The following SGCZ variants were observed in gnomAD, a reference collection of about 807,000 sequenced individuals.
The protein encoded by SGCZ is sarcoglycan zeta, also known as zeta-sarcoglycan.
SGCZ carries 40 observed loss-of-function variants against 41.3 expected under a neutral mutation model. That is an observed-to-expected ratio of 0.97 (90% CI 0.75 to 1.26). The LOEUF is 1.26. SGCZ is among the 50% of genes most tolerant of loss of function. SGCZ has a pLI of 0.00. For missense variants in SGCZ, 552 were observed against 369.8 expected, an observed-to-expected ratio of 1.49 and a Z score of -4.04; for synonymous variants, 206 against 137.5, an observed-to-expected ratio of 1.50 and a Z score of -3.49.
chr8:14,292,661 G>A (rs1215241106), intron 3 of SGCZ, among the ~76,000 whole-genome samples: 1 of 151,964 alleles, frequency 6.6e-6, no homozygotes, highest in African/African-American at 2.4e-5. Context: ...TATTCAAACT[G>A]TCTCACTAAA....
At chr8:14,812,672 T>C (rs922319438) in intron 1 of SGCZ, among the ~76,000 whole-genome samples, 2 of 152,110 alleles carry the variant, frequency 1.3e-5, no homozygotes, top group African/African-American at 4.8e-5. Flanking sequence ...TTCTTGCGCA[T>C]TATAACTGAT....
chr8:15,054,568 T>G (rs1804634440), intron 1 of SGCZ, among the ~76,000 whole-genome samples: 1 of 152,176 alleles, frequency 6.6e-6, no homozygotes, highest in South Asian at 2.1e-4. Flanking sequence ...ATATAACAGT[T>G]TAACATGCTG....
intron 1 of SGCZ, among the ~76,000 whole-genome samples, chr8:14,860,629 CAA>C (rs1048695746): frequency 8.1e-6 from 1 of 123,660 alleles, no homozygotes; most frequent in Admixed American, 8.3e-5. Context: ...GAGAAAAAGA[CAA>C]AGAGAGAAAG....
At chr8:14,841,957 C>T (rs1802930440) in intron 1 of SGCZ, among the ~76,000 whole-genome samples, 1 of 152,122 alleles carries the variant, frequency 6.6e-6, no homozygotes, top group Admixed American at 6.5e-5. Flanking sequence ...TCTCAGAGTA[C>T]TTATTCAGTA....
chr8:15,028,317 C>G (rs1321436943), intron 1 of SGCZ, among the ~76,000 whole-genome samples: 1 of 151,764 alleles, frequency 6.6e-6, no homozygotes, highest in African/African-American at 2.4e-5. Flanking sequence ...TGACGTCTTT[C>G]GAAGTTGAAG....
chr8:15,237,767 G>T lies in SGCZ; in HGVS notation c.-144C>A, dbSNP rs1057068564. ...CAGTCTCATTCTCCGTGGTCACGCC[G>T]CCTCCACCGGGTTAAAAATAAGGAA... On this transcript the variant is annotated 5_prime_UTR_variant, in exon 1 of 8. Coordinates refer to ENST00000382080, the MANE Select transcript of SGCZ (RefSeq NM_139167.4). 2 of 678,156 alleles carry T rather than the reference G, an allele frequency of 2.9e-6. No individual in the cohort carries two copies. The highest frequency in any genetic ancestry group is 5.1e-6 in the Non-Finnish European group (2 of 389,402). 42.0% of individuals were successfully genotyped at this position (678,156 alleles called of 1,614,324 possible). A position where few individuals can be genotyped will look rare whatever the true frequency, so the allele number is the denominator to read the frequency against.
intron 4 of SGCZ, among the ~76,000 whole-genome samples, chr8:14,207,137 G>C (rs1352942251): frequency 7.5e-5 from 1 of 13,280 alleles, no homozygotes; most frequent in African/African-American, 1.7e-3. Flanking sequence ...AAAGGGTAGA[G>C]GGTGATGGTG....
intron 1 of SGCZ, among the ~76,000 whole-genome samples, chr8:15,086,607 A>G (rs1403324707): frequency 6.6e-6 from 1 of 152,170 alleles, no homozygotes; most frequent in East Asian, 1.9e-4. Flanking sequence ...TGAAGCTGCA[A>G]ATTATACCTC....
intron 1 of SGCZ, among the ~76,000 whole-genome samples, chr8:14,911,866 G>A (rs986378473): frequency 6.6e-6 from 1 of 151,752 alleles, no homozygotes; most frequent in Non-Finnish European, 1.5e-5. Context: ...AGCCTTGAAA[G>A]TCTAAATAAT....
intron 1 of SGCZ, among the ~76,000 whole-genome samples, chr8:14,720,262 C>T (rs375977341): frequency 3.7e-4 from 56 of 151,546 alleles, no homozygotes; most frequent in African/African-American, 1.3e-3. Flanking sequence ...ATGAACGATG[C>T]CCACTGAAAA....
At chr8:14,367,102 G>T (rs1402009761) in intron 2 of SGCZ, among the ~76,000 whole-genome samples, 6 of 151,988 alleles carry the variant, frequency 3.9e-5, no homozygotes, top group African/African-American at 1.4e-4. Flanking sequence ...AATTTCTTAC[G>T]CCAGATGCCC....
chr8:14,442,581 G>C (rs548738671), intron 2 of SGCZ, among the ~76,000 whole-genome samples: 2 of 152,284 alleles, frequency 1.3e-5, no homozygotes, highest in East Asian at 3.9e-4. Context: ...GGGTAAGTTT[G>C]ACAATATGTA....
chr8:14,517,177 G>C (rs947231282), intron 2 of SGCZ, among the ~76,000 whole-genome samples: 1 of 151,858 alleles, frequency 6.6e-6, no homozygotes, highest in Non-Finnish European at 1.5e-5. Context: ...TGTGACATGA[G>C]GGGATGATGG....
intron 1 of SGCZ, among the ~76,000 whole-genome samples, chr8:14,871,847 T>C (rs1377039445): frequency 6.6e-6 from 1 of 150,986 alleles, no homozygotes; most frequent in African/African-American, 2.4e-5. Flanking sequence ...TATGTATGTA[T>C]ATATATGCAT....
chr8:14,624,393 C>T (rs1465086600), intron 1 of SGCZ, among the ~76,000 whole-genome samples: 7 of 151,694 alleles, frequency 4.6e-5, no homozygotes, highest in Admixed American at 2.0e-4. Flanking sequence ...TAAAATTCAT[C>T]GACTTTCAAA....
At chr8:14,644,918 A>G (rs1292981924) in intron 1 of SGCZ, among the ~76,000 whole-genome samples, 3 of 145,684 alleles carry the variant, frequency 2.1e-5, no homozygotes, top group African/African-American at 5.0e-5. Context: ...TGACAGAAAT[A>G]TAAAATATAA....
chr8:14,731,523 T>C (rs1029127813), intron 1 of SGCZ, among the ~76,000 whole-genome samples: 27 of 152,070 alleles, frequency 1.8e-4, no homozygotes, highest in African/African-American at 6.5e-4. Context: ...ATCCTACAAC[T>C]TAAAGTATAA....
chr8:14,199,968 A>G (rs1004779370), intron 4 of SGCZ, among the ~76,000 whole-genome samples: 1 of 152,198 alleles, frequency 6.6e-6, no homozygotes, highest in African/African-American at 2.4e-5. Flanking sequence ...ATAGTGTGTG[A>G]TAAGTGCTCA....
chr8:14,225,288 C>T (rs1463779903), intron 4 of SGCZ, among the ~76,000 whole-genome samples: 1 of 151,962 alleles, frequency 6.6e-6, no homozygotes, highest in African/African-American at 2.4e-5. Flanking sequence ...TCTAAATGAT[C>T]TGCTGTTTAT....
Sources: allele counts gnomAD v4.1 joint callset (sites outside exome capture counted in the v4.1 genomes callset), GRCh38; gene constraint gnomAD v4.1.1; transcripts MANE v1.5; gene names NCBI Gene and HGNC (gene_info 2026-07-23, HGNC 2026-07-21).